MAPT: variants seen among roughly 807,000 people sequenced by gnomAD.
The protein encoded by MAPT is microtubule-associated protein tau.
A neutral mutation model predicts 67.9 loss-of-function variants in MAPT; 34 were observed. The ratio of observed to expected loss-of-function variants is 0.50; its 90% CI spans 0.38 to 0.67. The LOEUF is 0.67. MAPT is among the 30% of genes least tolerant of loss of function. The probability of loss-of-function intolerance (pLI) is 0.00; values close to 1 mark genes in which losing one functional copy is unlikely to be tolerated. For synonymous variants in MAPT, 456 were observed against 464.5 expected (o/e 0.98, Z 0.23); for missense variants, 881 against 1,115.2 (o/e 0.79, Z 2.99).
intron 1 of MAPT, among the ~76,000 whole-genome samples, chr17:45,959,426 C>G (rs1216259202): frequency 6.6e-6 from 1 of 152,244 alleles, no homozygotes; most frequent in Non-Finnish European, 1.5e-5. Flanking sequence ...TGCACTGCAT[C>G]TGAGAAGCAA....
rs139609714 is a variant in MAPT at position 46,025,560 on chromosome 17, A to C, written c.*1389A>C. Reference sequence around the variant, plus strand: ...TCATCCAACTGGGACCCTCACCACGAATCTCATGATCTGATTCGGTTCCCT... The same window carrying C: ...TCATCCAACTGGGACCCTCACCACGCATCTCATGATCTGATTCGGTTCCCT... On this transcript the variant is annotated 3_prime_UTR_variant, in exon 13 of 13. Transcript: ENST00000262410. 1 of 152,686 alleles carries C rather than the reference A, an allele frequency of 6.5e-6. No homozygotes were observed. The highest frequency in any genetic ancestry group is 1.5e-5 in the Non-Finnish European group (1 of 68,084). 9.5% of individuals were successfully genotyped at this position (152,686 alleles called of 1,614,324 possible).
intron 9 of MAPT, among the ~76,000 whole-genome samples, chr17:46,007,941 G>A (rs1175642997): frequency 6.6e-6 from 1 of 152,110 alleles, no homozygotes; most frequent in African/African-American, 2.4e-5. Flanking sequence ...GCTCCTGCAG[G>A]ACTGTTTGTA....
chr17:45,938,593 G>A (rs945403216), intron 1 of MAPT, among the ~76,000 whole-genome samples: 6 of 152,110 alleles, frequency 3.9e-5, no homozygotes, highest in African/African-American at 1.2e-4. Context: ...GGATTAGGAC[G>A]AGCCTGTCTC....
intron 1 of MAPT, among the ~76,000 whole-genome samples, chr17:45,911,511 A>G (rs1041445258): frequency 2.0e-5 from 3 of 152,230 alleles, no homozygotes; most frequent in African/African-American, 7.2e-5. Flanking sequence ...CTGGAATCCC[A>G]GCACTTTAGG....
At chr17:45,979,662 G>A (rs1461416368) in intron 4 of MAPT, 2 of 152,206 alleles carry the variant, frequency 1.3e-5, no homozygotes, top group Non-Finnish European at 2.9e-5. Context: ...AAATTAACTA[G>A]GAACCTGGCT....
intron 3 of MAPT, chr17:45,974,442 C>T (rs779365532): frequency 6.2e-7 from 1 of 1,609,418 alleles, no homozygotes; most frequent in South Asian, 1.1e-5. Context: ...GCCGCGCAGC[C>T]CCACACGGAG....
At chr17:45,921,529 G>A (rs1226454143) in intron 1 of MAPT, among the ~76,000 whole-genome samples, 1 of 152,150 alleles carries the variant, frequency 6.6e-6, no homozygotes, top group Non-Finnish European at 1.5e-5. Context: ...AAGCTCAATC[G>A]AGCATCATGT....
chr17:45,920,455 G>C (rs1413891335), intron 1 of MAPT, among the ~76,000 whole-genome samples: 1 of 152,216 alleles, frequency 6.6e-6, no homozygotes, highest in Admixed American at 6.5e-5. Context: ...GCTCATGAGG[G>C]CCACACAGGG....
intron 1 of MAPT, chr17:45,898,191 C>T (rs1177359860): frequency 6.6e-6 from 1 of 152,234 alleles, no homozygotes; most frequent in Non-Finnish European, 1.5e-5. Context: ...AATAACCTGG[C>T]TTGGCTCTTG....
rs63750417 is a variant in MAPT, at chr17:45,983,409, C to T, written c.830C>T (p.Pro277Leu). ...GGAGACCTGCACCAGGAGGGGCCGC[C>T]GCTGAAGGGGGCAGGGGGCAAAGAG... ...LLGDLHQEGP[P>L]LKGAGGKERP... is the part of the protein sequence containing the mutation. The change falls in exon 5 of 13, where the codon CCG (proline) becomes CTG (leucine). Residue 277 changes from proline (P) to leucine (L), a missense_variant. Pro to Leu is a moderately conservative substitution (Grantham distance 98). Coordinates refer to ENST00000262410, the MANE Select transcript of MAPT (RefSeq NM_001377265.1). The T allele has an allele frequency of 0.19, 303,840 of 1,606,114 alleles. 32,668 individuals are homozygous for T. The highest frequency in any genetic ancestry group is 0.22 in the Non-Finnish European group (260,474 of 1,175,542).
At chr17:45,963,585 G>A (rs1241173457) in intron 2 of MAPT, among the ~76,000 whole-genome samples, 1 of 152,210 alleles carries the variant, frequency 6.6e-6, no homozygotes, top group Non-Finnish European at 1.5e-5. Flanking sequence ...CCATTTCTAA[G>A]GAGGCAAAAT....
chr17:46,014,110 A>C, intron 10 of MAPT, 133 bp from the exon 11 acceptor site: 1 of 700,880 alleles, frequency 1.4e-6, no homozygotes, highest in Non-Finnish European at 2.6e-6. Flanking sequence ...CTGTCCAATA[A>C]GGGCCTGGGC....
chr17:45,984,200 G>A (rs1275464942), intron 5 of MAPT, among the ~76,000 whole-genome samples: 4 of 152,182 alleles, frequency 2.6e-5, no homozygotes, highest in Non-Finnish European at 5.9e-5. Context: ...TTGACTCTCT[G>A]GCCACTTGAT....
Position 45,907,000 on chromosome 17 carries a change from A to G in MAPT, c.-18+12314A>G, listed in dbSNP as rs1345536166. 6.6e-6 allele frequency among the ~76,000 whole-genome samples: 1 copy of G among 152,142 alleles called. No homozygotes were observed. The highest frequency in any genetic ancestry group is 1.5e-5 in the Non-Finnish European group (1 of 68,034). On this transcript the variant is annotated intron_variant, in intron 1 of 12. Coordinates refer to ENST00000262410, the MANE Select transcript of MAPT (RefSeq NM_001377265.1). This position sits in a 1 kb window ranked among gnomAD's most constrained non-coding sequence, Gnocchi z 4.3. ...TCCCTGTTTCAATTCCAAAATTCAT[A>G]TCCAATCCGTTTTGCATGCCATTGC...
At chr17:45,909,263 C>A (rs2064570378) in intron 1 of MAPT, among the ~76,000 whole-genome samples, 1 of 152,156 alleles carries the variant, frequency 6.6e-6, no homozygotes, top group East Asian at 1.9e-4. Context: ...AGATCGACAC[C>A]TGGACCCCAT....
At chr17:45,922,239 G>T (rs1447314219) in intron 1 of MAPT, among the ~76,000 whole-genome samples, 1 of 151,970 alleles carries the variant, frequency 6.6e-6, no homozygotes, top group Non-Finnish European at 1.5e-5. Flanking sequence ...GAGCCACCGC[G>T]GCCAGCCATA....
At chr17:46,004,022 A>G (rs2075233750) in intron 9 of MAPT, among the ~76,000 whole-genome samples, 2 of 152,184 alleles carry the variant, frequency 1.3e-5, no homozygotes, top group African/African-American at 4.8e-5. Flanking sequence ...ATCACCTTGG[A>G]CTTGAAGAGG....
At chr17:45,975,490 GC>G (rs1397451404) in intron 3 of MAPT, 5 of 152,334 alleles carry the variant, frequency 3.3e-5, no homozygotes. Flanking sequence ...CGAAGCTGGG[GC>G]AGAGCCTCAT....
At chr17:45,992,228 G>A (rs1330468530) in intron 8 of MAPT, among the ~76,000 whole-genome samples, 5 of 152,182 alleles carry the variant, frequency 3.3e-5, no homozygotes, top group East Asian at 1.9e-4. Context: ...TTTTAAACCC[G>A]AGGAAAATGC....
Sources: allele counts gnomAD v4.1 joint callset (sites outside exome capture counted in the v4.1 genomes callset), GRCh38; gene constraint gnomAD v4.1.1; non-coding constraint Gnocchi (gnomAD v3.1); transcripts MANE v1.5; gene names NCBI Gene and HGNC (gene_info 2026-07-23, HGNC 2026-07-21).